Variants in DVL3 observed in about 807,000 individuals in gnomAD.
DVL3 encodes the protein segment polarity protein dishevelled homolog DVL-3.
Under a neutral mutation model 67.4 loss-of-function variants are expected in DVL3, and 27 were observed. The ratio of observed to expected loss-of-function variants is 0.40; its 90% CI spans 0.30 to 0.55. The LOEUF is 0.55. Among genes scored for constraint, DVL3 ranks in the 20% least tolerant of loss-of-function variants. The pLI, the probability that DVL3 is intolerant of heterozygous loss-of-function variation, is 0.46. For missense variants in DVL3, 819 were observed against 1,021.5 expected (o/e 0.80, Z 2.70); for synonymous variants, 369 against 396.8 (o/e 0.93, Z 0.83).
In DVL3 at chr3:184,166,598, G is replaced by C; in HGVS notation, c.981-8G>C. ...ATCCTGCCTTCACTAGGACACCCTT[G>C]TTTTCAGGCCCATCACCCTGACTGT... On this transcript the variant is annotated splice_region_variant and splice_polypyrimidine_tract_variant and intron_variant, in intron 9 of 14. Coordinates refer to ENST00000313143, the MANE Select transcript of DVL3 (RefSeq NM_004423.4). This position sits in a 1 kb window ranked among gnomAD's most constrained non-coding sequence, Gnocchi z 6.7. The C allele has an allele frequency of 6.2e-7, 1 of 1,614,180 alleles. No individual in the cohort carries two copies. Among genetic ancestry groups the C allele is most frequent in the Middle Eastern group, 1.6e-4 (1 of 6,062 alleles).
In DVL3 at chr3:184,166,781, C is replaced by G. The variant is rs147410100; in HGVS notation, c.1049-45C>G. 12,205 of 1,613,494 alleles carry G rather than the reference C, an allele frequency of 7.6e-3. 53 individuals are homozygous for G. Among genetic ancestry groups the G allele is most frequent in the Non-Finnish European group, 9.2e-3 (10,832 of 1,179,610 alleles). The stretch of plus-strand genomic sequence containing the variant: ...CCCATATCTATCCTGTTGGGCCCAG[C>G]AGTGGGTGGGGTGGGTAGCCCATGA... On this transcript the variant is annotated intron_variant, in intron 10 of 14. Transcript: ENST00000313143. This position sits in a 1 kb window ranked among gnomAD's most constrained non-coding sequence, Gnocchi z 6.7.
rs1714491767 is a variant in DVL3 at position 184,164,435 on chromosome 3, G to A, written c.353+47G>A. The A allele has an allele frequency of 6.2e-7, 1 of 1,602,892 alleles. No homozygotes were observed. Among genetic ancestry groups the A allele is most frequent in the Admixed American group, 1.7e-5 (1 of 57,840 alleles). On this transcript the variant is annotated intron_variant, in intron 3 of 14. Transcript: ENST00000313143. The surrounding 1 kb of genome is among the most constrained non-coding windows in gnomAD (Gnocchi z 5.3). ...GGAGGGCCGCATCAGTTCAGCCCAG[G>A]GCTGGGGGAGGGAGCCCCCAGCCTG...
Position 184,164,708 on chromosome 3 carries a change from G to T in DVL3, c.464-88G>T. 1 of 1,592,910 alleles carries T rather than the reference G, an allele frequency of 6.3e-7. No individual in the cohort carries two copies. The highest frequency in any genetic ancestry group is 8.6e-7 in the Non-Finnish European group (1 of 1,167,456). ...ACTTCCCGAGCTCAGGATATGCCTG[G>T]CCCCAGTGCAGCCCCTGGCTTGCCT... is the stretch of plus-strand genomic sequence containing the variant. On this transcript the variant is annotated intron_variant, in intron 4 of 14. Transcript: ENST00000313143. This position sits in a 1 kb window ranked among gnomAD's most constrained non-coding sequence, Gnocchi z 5.3.
At position 184,166,927 on chromosome 3, in the gene DVL3, A is replaced by G. The variant is rs1315575405; in HGVS notation, c.1150A>G (p.Ile384Val). The G allele has an allele frequency of 1.9e-6, 3 of 1,614,026 alleles. No individual in the cohort carries two copies. Among genetic ancestry groups the G allele is most frequent in the East Asian group, 2.2e-5 (1 of 44,866 alleles). ...CGGCATGAGCCCCTCCCTGAGCACCATCACCTCCACCAGCTCCTCCATCAC... is the reference window on the plus strand; with the variant it reads ...CGGCATGAGCCCCTCCCTGAGCACCGTCACCTCCACCAGCTCCTCCATCAC... ...AYGMSPSLSTITSTSSSITSS... is the reference protein window; with the variant it reads ...AYGMSPSLSTVTSTSSSITSS... The change falls in exon 11 of 15, where the codon ATC (isoleucine) becomes GTC (valine). Residue 384 changes from isoleucine to valine, a missense_variant. Around this residue, in one of 3 missense-constraint regions of DVL3, gnomAD observed 110 missense variants for 203.4 expected, o/e 0.54. Coordinates refer to ENST00000313143, the MANE Select transcript of DVL3 (RefSeq NM_004423.4). The surrounding 1 kb of genome is among the most constrained non-coding windows in gnomAD (Gnocchi z 6.7).
At chr3:184,156,724 C>A in intron 1 of DVL3, 1 of 298,876 alleles carries the variant, frequency 3.3e-6, no homozygotes. Flanking sequence ...TGGCTGATCC[C>A]CCTCGAACCC....
Position 184,171,488 on chromosome 3 carries a change from A to G in DVL3, c.*733A>G. On this transcript the variant is annotated 3_prime_UTR_variant, in exon 15 of 15. Transcript: ENST00000313143. ...CAGACCCCTAACCCTACTAACCAGC[A>G]GGCTCATCTCACCTCCAGGCCTGAA... 1.0e-6 allele frequency: 1 copy of G among 986,014 alleles called. No individual in the cohort carries two copies. The highest frequency in any genetic ancestry group is 1.2e-6 in the Non-Finnish European group (1 of 830,034). 61.1% of individuals were successfully genotyped at this position (986,014 alleles called of 1,614,324 possible). A position where few individuals can be genotyped will look rare whatever the true frequency, so the allele number is the denominator to read the frequency against.
Position 184,155,454 on chromosome 3 carries a change from CGCG to C in DVL3, c.-171_-169del, listed in dbSNP as rs1402461489. 47 of 175,364 alleles carry C rather than the reference CGCG, an allele frequency of 2.7e-4. No individual in the cohort carries two copies. Among genetic ancestry groups the C allele is most frequent in the Non-Finnish European group, 4.2e-4 (38 of 89,704 alleles). 10.9% of individuals were successfully genotyped at this position (175,364 alleles called of 1,614,324 possible). ...GAGAGTGGGGAGCGGAAGCGGCGGC[CGCG>C]GCGGCGGCGGGCGGCGCTGGGACCC... On this transcript the variant is annotated 5_prime_UTR_variant, in exon 1 of 15. Coordinates refer to ENST00000313143, the MANE Select transcript of DVL3 (RefSeq NM_004423.4). This position sits in a 1 kb window ranked among gnomAD's most constrained non-coding sequence, Gnocchi z 5.4.
chr3:184,166,676 A>T lies in DVL3; in HGVS notation c.1048+3A>T. On this transcript the variant is annotated splice_donor_region_variant and intron_variant, in intron 10 of 14. Transcript: ENST00000313143. The surrounding 1 kb of genome is among the most constrained non-coding windows in gnomAD (Gnocchi z 6.7). ...TGGTTGCTTCACATTGCCCAGGAGTAAGTGGATGGGAGACTCAGTCCTAAA... is the reference window on the plus strand; with the variant it reads ...TGGTTGCTTCACATTGCCCAGGAGTTAGTGGATGGGAGACTCAGTCCTAAA... 1 of 1,613,984 alleles carries T rather than the reference A, an allele frequency of 6.2e-7. No individual in the cohort carries two copies. Among genetic ancestry groups the T allele is most frequent in the Non-Finnish European group, 8.5e-7 (1 of 1,179,928 alleles).
chr3:184,166,117 T>C lies in DVL3; in HGVS notation c.764-9T>C. The C allele has an allele frequency of 6.2e-7, 1 of 1,611,576 alleles. No homozygotes were observed. Among genetic ancestry groups the C allele is most frequent in the Non-Finnish European group, 8.5e-7 (1 of 1,179,444 alleles). ...GCTCCCCCTTAAGGTCTTAAATTAC[T>C]CTCTATAGAAAAATATAACTTCTTG... On this transcript the variant is annotated splice_polypyrimidine_tract_variant and intron_variant, in intron 7 of 14. Coordinates refer to ENST00000313143, the MANE Select transcript of DVL3 (RefSeq NM_004423.4). This position sits in a 1 kb window ranked among gnomAD's most constrained non-coding sequence, Gnocchi z 6.7.
Position 184,171,939 on chromosome 3 carries a change from G to A in DVL3, c.*1184G>A, listed in dbSNP as rs941878847. 6.5e-6 allele frequency: 1 copy of A among 152,918 alleles called. No homozygotes were observed. The highest frequency in any genetic ancestry group is 1.5e-5 in the Non-Finnish European group (1 of 68,238). 9.5% of individuals were successfully genotyped at this position (152,918 alleles called of 1,614,324 possible). On this transcript the variant is annotated 3_prime_UTR_variant, in exon 15 of 15. Transcript: ENST00000313143. ...GCCTCAGGGCTGGTCCCTGCCCAAA[G>A]GGCTGGACCCTCCTAATCCTCTCCT...
At position 184,155,827 on chromosome 3, in the gene DVL3, G is replaced by T; in HGVS notation, c.161+31G>T. Reference sequence around the variant, plus strand: ...GATGGCCCCCGCCCCGCCTCCGGGAGCCCCGGCCGCTCTGGCTTCTAAGGG... The same window carrying T: ...GATGGCCCCCGCCCCGCCTCCGGGATCCCCGGCCGCTCTGGCTTCTAAGGG... On this transcript the variant is annotated intron_variant, in intron 1 of 14. Coordinates refer to ENST00000313143, the MANE Select transcript of DVL3 (RefSeq NM_004423.4). The surrounding 1 kb of genome is among the most constrained non-coding windows in gnomAD (Gnocchi z 5.4). 6.3e-7 allele frequency: 1 copy of T among 1,579,734 alleles called. No homozygotes were observed.
rs891610442 is a variant in DVL3, at chr3:184,167,090, G to A, written c.1198+115G>A. The A allele has an allele frequency of 2.9e-5, 39 of 1,339,632 alleles. No individual in the cohort carries two copies. Among genetic ancestry groups the A allele is most frequent in the Non-Finnish European group, 3.7e-5 (36 of 973,796 alleles). The allele number at this position is 1,339,632 out of a possible 1,614,324, so 83.0% of individuals were successfully genotyped here. A position where few individuals can be genotyped will look rare whatever the true frequency, so the allele number is the denominator to read the frequency against. ...TCAGAGAGGGCTGGAGATGGGGCTC[G>A]GCTCATTCCAGCAACCCCACACTGC... On this transcript the variant is annotated intron_variant, in intron 11 of 14. Coordinates refer to ENST00000313143, the MANE Select transcript of DVL3 (RefSeq NM_004423.4). This position sits in a 1 kb window ranked among gnomAD's most constrained non-coding sequence, Gnocchi z 4.6.
rs1714168768 is a variant in DVL3 at position 184,155,959 on chromosome 3, G to A, written c.161+163G>A. On this transcript the variant is annotated intron_variant, in intron 1 of 14. Transcript: ENST00000313143. The surrounding 1 kb of genome is among the most constrained non-coding windows in gnomAD (Gnocchi z 5.4). The stretch of plus-strand genomic sequence containing the variant: ...GGCCCCTTTGGTTCCAGCCCCAGTA[G>A]CAACTCCCGTTTACCTCTGAAGAGG... 6.6e-6 allele frequency among the ~76,000 whole-genome samples: 1 copy of A among 152,164 alleles called. No homozygotes were observed. Among genetic ancestry groups the A allele is most frequent in the Non-Finnish European group, 1.5e-5 (1 of 68,026 alleles).
chr3:184,156,420 C>T, intron 1 of DVL3: 1 of 456,680 alleles, frequency 2.2e-6, no homozygotes, highest in South Asian at 1.5e-5. Context: ...AGAGCCTGAC[C>T]CCTGCGGAGT....
Position 184,164,128 on chromosome 3 carries a change from C to A in DVL3, c.232-139C>A. 9.3e-7 allele frequency: 1 copy of A among 1,077,146 alleles called. No individual in the cohort carries two copies. The highest frequency in any genetic ancestry group is 1.5e-5 in the South Asian group (1 of 66,200). 66.7% of individuals were successfully genotyped at this position (1,077,146 alleles called of 1,614,324 possible). A position where few individuals can be genotyped will look rare whatever the true frequency, so the allele number is the denominator to read the frequency against. ...GAGGGGCCACTGTTCATCTCAGCCACCCTCGCACAGCCCTGTCTTTTCTCC... is the reference window on the plus strand; with the variant it reads ...GAGGGGCCACTGTTCATCTCAGCCAACCTCGCACAGCCCTGTCTTTTCTCC... On this transcript the variant is annotated intron_variant, in intron 2 of 14. Coordinates refer to ENST00000313143, the MANE Select transcript of DVL3 (RefSeq NM_004423.4). The surrounding 1 kb of genome is among the most constrained non-coding windows in gnomAD (Gnocchi z 5.3).
intron 1 of DVL3, among the ~76,000 whole-genome samples, chr3:184,160,552 G>T (rs1460886487): frequency 6.6e-6 from 1 of 152,048 alleles, no homozygotes; most frequent in African/African-American, 2.4e-5. Context: ...GTGTGTGTGT[G>T]TAAGTGCTAT....
At position 184,165,062 on chromosome 3, in the gene DVL3, A is replaced by G. The variant is rs1441039142; in HGVS notation, c.600-51A>G. 1.9e-6 allele frequency: 3 copies of G among 1,611,002 alleles called. No individual in the cohort carries two copies. Among genetic ancestry groups the G allele is most frequent in the Non-Finnish European group, 2.5e-6 (3 of 1,178,230 alleles). On this transcript the variant is annotated intron_variant, in intron 5 of 14. Transcript: ENST00000313143. The surrounding 1 kb of genome is among the most constrained non-coding windows in gnomAD (Gnocchi z 4.1). ...CCCAGGCCCTGCAGTGCCTCCCCTC[A>G]TGGGGGCAGGGCTGGGCCAGCCTGG...
chr3:184,173,126 A>G lies in DVL3; in HGVS notation c.*2371A>G, dbSNP rs1714905347. 6.6e-6 allele frequency: 1 copy of G among 152,246 alleles called. No homozygotes were observed. Among genetic ancestry groups the G allele is most frequent in the Non-Finnish European group, 1.5e-5 (1 of 68,088 alleles). 9.4% of individuals were successfully genotyped at this position (152,246 alleles called of 1,614,324 possible). ...CCCCAGACTTTAGATCTGTATTGGT[A>G]TTACCTACTGGACATCTCTATGGAC... On this transcript the variant is annotated 3_prime_UTR_variant, in exon 15 of 15. Coordinates refer to ENST00000313143, the MANE Select transcript of DVL3 (RefSeq NM_004423.4).
chr3:184,157,527 A>G (rs1295120269), intron 1 of DVL3, among the ~76,000 whole-genome samples: 3 of 152,204 alleles, frequency 2.0e-5, no homozygotes, highest in African/African-American at 7.2e-5. Flanking sequence ...GGCCCCCATT[A>G]CATCCAGTCA....
Sources: gnomAD v4.1 joint callset for allele counts (sites outside exome capture counted in the v4.1 genomes callset) on GRCh38, gnomAD v4.1.1 for gene constraint, gnomAD v4.1.1 regional missense constraint, Gnocchi (gnomAD v3.1) non-coding constraint, MANE v1.5 for transcripts, NCBI Gene and HGNC (gene_info 2026-07-23, HGNC 2026-07-21) for gene names.